ABLIM3: variants seen among roughly 807,000 people sequenced by gnomAD.
ABLIM3 encodes the protein actin-binding LIM protein 3.
A neutral mutation model predicts 109.5 loss-of-function variants in ABLIM3; 61 were observed. That is an observed-to-expected ratio of 0.56 (90% CI 0.45 to 0.69). ABLIM3 has a LOEUF of 0.69. ABLIM3 is among the 30% of genes least tolerant of loss of function. The pLI is 0.00. For synonymous variants in ABLIM3, 300 were observed against 324.8 expected (o/e 0.92, Z 0.82); for missense variants, 796 against 889.5 (o/e 0.89, Z 1.34).
intron 7 of ABLIM3, among the ~76,000 whole-genome samples, chr5:149,214,916 T>A (rs1052209872): frequency 2.0e-5 from 3 of 152,182 alleles, no homozygotes; most frequent in African/African-American, 7.2e-5. Context: ...AGGGTACCAA[T>A]TTTTTGCCAT....
intron 18 of ABLIM3, among the ~76,000 whole-genome samples, chr5:149,248,689 CAAAA>C (rs10659679): frequency 1.3e-5 from 1 of 78,998 alleles, no homozygotes. Context: ...GACTCTCTCT[CAAAA>C]AAAAAAAAAA....
chr5:149,245,010 C>T lies in ABLIM3; in HGVS notation c.1481C>T (p.Pro494Leu). The T allele has an allele frequency of 1.2e-6, 2 of 1,614,182 alleles. No homozygotes were observed. The highest frequency in any genetic ancestry group is 8.5e-7 in the Non-Finnish European group (1 of 1,180,024). ...ESEYWTYHGS[P>L]KVPRARRFSS... ...GAGTACTGGACCTACCATGGGTCCC[C>T]CAAAGGTAGTACCCCCATAGGAGCC... Residue 494 changes from proline to leucine, a missense_variant, in exon 16 of 24, where the codon CCC becomes CTC. Physicochemically the swap from Pro to Leu is moderately conservative, Grantham distance 98. Coordinates refer to ENST00000309868, the MANE Select transcript of ABLIM3 (RefSeq NM_014945.5).
intron 3 of ABLIM3, among the ~76,000 whole-genome samples, chr5:149,190,711 C>T (rs1209697209): frequency 6.6e-6 from 1 of 152,040 alleles, no homozygotes; most frequent in East Asian, 1.9e-4. Context: ...AAATAAAAGA[C>T]CCAAAGCAAA....
At chr5:149,186,423 A>T (rs1756964326) in intron 3 of ABLIM3, among the ~76,000 whole-genome samples, 1 of 152,180 alleles carries the variant, frequency 6.6e-6, no homozygotes, top group African/African-American at 2.4e-5. Flanking sequence ...AAAGAAAAAA[A>T]AAATTATGAA....
intron 2 of ABLIM3, among the ~76,000 whole-genome samples, chr5:149,149,308 G>A (rs539338861): frequency 1.8e-4 from 28 of 152,290 alleles, no homozygotes; most frequent in African/African-American, 5.8e-4. Flanking sequence ...AGGATTCAGC[G>A]AAATAACATT....
At chr5:149,225,042 C>G (rs1761032470) in intron 8 of ABLIM3, among the ~76,000 whole-genome samples, 1 of 152,238 alleles carries the variant, frequency 6.6e-6, no homozygotes, top group Non-Finnish European at 1.5e-5. Flanking sequence ...GTTCACTCCT[C>G]TCTCTGGCCG....
intron 5 of ABLIM3, among the ~76,000 whole-genome samples, chr5:149,202,905 A>G (rs780566466): frequency 5.8e-4 from 88 of 151,980 alleles, no homozygotes; most frequent in Admixed American, 2.2e-3. Flanking sequence ...ATTGACTGTT[A>G]CTATTTCCAG....
At chr5:149,214,953 G>C (rs984495487) in intron 7 of ABLIM3, among the ~76,000 whole-genome samples, 1 of 152,128 alleles carries the variant, frequency 6.6e-6, no homozygotes, top group Admixed American at 6.5e-5. Flanking sequence ...CCTGATTTCA[G>C]TTCGTTAATA....
intron 13 of ABLIM3, among the ~76,000 whole-genome samples, chr5:149,240,159 G>T (rs1042856827): frequency 6.6e-6 from 1 of 152,218 alleles, no homozygotes; most frequent in Non-Finnish European, 1.5e-5. Flanking sequence ...CTGTGGCCCT[G>T]GTGGAAGAAG....
intron 8 of ABLIM3, chr5:149,219,425 G>C (rs1760422235): frequency 6.6e-6 from 1 of 152,228 alleles, no homozygotes; most frequent in African/African-American, 2.4e-5. Context: ...TATATGAACT[G>C]ATGCTGGAGT....
At chr5:149,189,768 A>G (rs1416554745) in intron 3 of ABLIM3, among the ~76,000 whole-genome samples, 1 of 152,244 alleles carries the variant, frequency 6.6e-6, no homozygotes, top group Non-Finnish European at 1.5e-5. Flanking sequence ...GGAATGTAAA[A>G]TGGTGCAGCT....
chr5:149,199,824 C>T (rs1448531809), intron 4 of ABLIM3, among the ~76,000 whole-genome samples: 1 of 152,218 alleles, frequency 6.6e-6, no homozygotes, highest in Non-Finnish European at 1.5e-5. Context: ...GACTCCCCAG[C>T]TGTGGAAACT....
chr5:149,147,012 C>T (rs181111060), intron 2 of ABLIM3, among the ~76,000 whole-genome samples: 30 of 152,038 alleles, frequency 2.0e-4, no homozygotes, highest in Middle Eastern at 3.4e-3. Context: ...TGTAGTTCTC[C>T]TCGAAGAGAT....
At chr5:149,193,507 AAGAT>A (rs1403997618) in intron 3 of ABLIM3, among the ~76,000 whole-genome samples, 1 of 152,116 alleles carries the variant, frequency 6.6e-6, no homozygotes, top group Non-Finnish European at 1.5e-5. Flanking sequence ...CTCTGATAGA[AAGAT>A]AGAAATATCA....
rs369560533 is a variant in ABLIM3, at chr5:149,256,862, G to A, written c.1939-1429G>A. Among the ~76,000 whole-genome samples the A allele has an allele frequency of 1.6e-4, 24 of 152,286 alleles. No homozygotes were observed. The South Asian group carries it at 4.3e-3, about 28-fold the overall frequency. On this transcript the variant is annotated intron_variant, in intron 23 of 23. Transcript: ENST00000309868. ...CATTTTTCATAATAGACTTACTTATGAATTTTTTTAATGGGGTTGACCAAG... is the reference window on the plus strand; with the variant it reads ...CATTTTTCATAATAGACTTACTTATAAATTTTTTTAATGGGGTTGACCAAG...
intron 5 of ABLIM3, among the ~76,000 whole-genome samples, chr5:149,202,372 T>C (rs1758575447): frequency 6.6e-6 from 1 of 152,244 alleles, no homozygotes; most frequent in South Asian, 2.1e-4. Context: ...GTATTATAGC[T>C]TATCTTGTTA....
At chr5:149,240,599 C>G in intron 13 of ABLIM3, 77 bp from the exon 14 acceptor site, 4 of 1,195,112 alleles carry the variant, frequency 3.3e-6, no homozygotes, top group Non-Finnish European at 2.5e-6. Flanking sequence ...CTCACCACTT[C>G]CTAAACTGCC....
chr5:149,160,393 G>A (rs1366711040), intron 2 of ABLIM3, among the ~76,000 whole-genome samples: 1 of 144,950 alleles, frequency 6.9e-6, no homozygotes, highest in African/African-American at 2.6e-5. Context: ...GGGAGGTGGA[G>A]GTTGCACTGA....
intron 3 of ABLIM3, among the ~76,000 whole-genome samples, chr5:149,189,056 T>G (rs1273957482): frequency 6.6e-6 from 1 of 152,206 alleles, no homozygotes; most frequent in South Asian, 2.1e-4. Context: ...CATAAACTTA[T>G]ATTTATGGTT....
Sources: allele counts gnomAD v4.1 joint callset (sites outside exome capture counted in the v4.1 genomes callset), GRCh38; gene constraint gnomAD v4.1.1; transcripts MANE v1.5; gene names NCBI Gene and HGNC (gene_info 2026-07-23, HGNC 2026-07-21).